The following VOPP1 variants were observed in gnomAD, a reference collection of about 807,000 sequenced individuals.
VOPP1 encodes WW domain binding protein VOPP1.
A neutral mutation model predicts 23.5 loss-of-function variants in VOPP1; 8 were observed. The observed-to-expected ratio is 0.34, with a 90% CI of 0.20 to 0.61. The LOEUF is 0.61. Ranked by LOEUF, VOPP1 falls within the 20% of genes least tolerant of loss-of-function variation. VOPP1 has a pLI of 0.78. For synonymous variants in VOPP1, 83 were observed against 97.3 expected, an observed-to-expected ratio of 0.85 and a Z score of 0.86; for missense variants, 174 against 238.1, an observed-to-expected ratio of 0.73 and a Z score of 1.77.
At chr7:55,533,785 G>A (rs922183136) in intron 1 of VOPP1, among the ~76,000 whole-genome samples, 4 of 152,180 alleles carry the variant, frequency 2.6e-5, no homozygotes, top group Non-Finnish European at 4.4e-5. Context: ...TCAACATAGT[G>A]ATGGGGTGAA....
intron 1 of VOPP1, chr7:55,552,767 A>C (rs1797664339): frequency 9.8e-6 from 15 of 1,529,034 alleles, no homozygotes; most frequent in Non-Finnish European, 1.3e-5. Flanking sequence ...GCAGAGAGGC[A>C]GCAAGTGGAG....
chr7:55,477,604 A>G (rs73135695), intron 4 of VOPP1, among the ~76,000 whole-genome samples: 211 of 152,268 alleles, frequency 1.4e-3, no homozygotes, highest in Middle Eastern at 3.4e-3. Context: ...CAATGTGGCC[A>G]CTCACGCTGC....
At chr7:55,458,903 C>A (rs1228707241) in intron 4 of VOPP1, among the ~76,000 whole-genome samples, 1 of 152,124 alleles carries the variant, frequency 6.6e-6, no homozygotes, top group Non-Finnish European at 1.5e-5. Flanking sequence ...GCTAGAACTT[C>A]TAGTGCTATG....
At chr7:55,537,767 G>A (rs1796887746) in intron 1 of VOPP1, 2 of 1,339,934 alleles carry the variant, frequency 1.5e-6, no homozygotes. Flanking sequence ...CGGCCCCCAG[G>A]CCCAGGCCAC....
chr7:55,521,835 C>T, intron 1 of VOPP1: 2 of 983,926 alleles, frequency 2.0e-6, no homozygotes, highest in Non-Finnish European at 2.4e-6. Context: ...GCAAGTGAGG[C>T]AGGCCAGCAT....
Position 55,515,205 on chromosome 7 carries a change from G to A in VOPP1, c.113+5867C>T, listed in dbSNP as rs144398123. 4.3e-4 allele frequency among the ~76,000 whole-genome samples: 66 copies of A among 152,336 alleles called. No homozygotes were observed. The East Asian group carries it at 0.013, about 29-fold the overall frequency. On this transcript the variant is annotated intron_variant, in intron 2 of 4. Coordinates refer to ENST00000285279, the MANE Select transcript of VOPP1 (RefSeq NM_030796.5). ...TGGGCTGGAAATCTCAATGGAGATG[G>A]TGACATTTCTTATAGTCACTGCTCC...
chr7:55,553,756 TACACACACAC>T (rs59300549), intron 1 of VOPP1: 4,044 of 138,544 alleles, frequency 0.029, 110 homozygotes, highest in African/African-American at 0.049. Flanking sequence ...CCCTGCACTC[TACACACACAC>T]ACACACACAC....
rs918910997 is a variant in VOPP1 at position 55,542,751 on chromosome 7, T to C, written c.55-21621A>G. Among the ~76,000 whole-genome samples, 8 of 151,654 alleles carry C rather than the reference T, an allele frequency of 5.3e-5. No homozygotes were observed. The East Asian group carries it at 7.8e-4, about 15-fold the overall frequency. On this transcript the variant is annotated intron_variant, in intron 1 of 4. Coordinates refer to ENST00000285279, the MANE Select transcript of VOPP1 (RefSeq NM_030796.5). Reference sequence around the variant, plus strand: ...GTTGCAGTGAACCGAGATCGTGCCATTGTACTCCAGCCTGGGAGACAGAGC... The same window carrying C: ...GTTGCAGTGAACCGAGATCGTGCCACTGTACTCCAGCCTGGGAGACAGAGC...
At chr7:55,442,145 T>C (rs1177363600) in intron 4 of VOPP1, among the ~76,000 whole-genome samples, 1 of 152,204 alleles carries the variant, frequency 6.6e-6, no homozygotes, top group Non-Finnish European at 1.5e-5. Context: ...TACATAGGCT[T>C]CTCAGACACA....
intron 1 of VOPP1, among the ~76,000 whole-genome samples, chr7:55,546,711 G>T (rs1224180653): frequency 6.6e-6 from 1 of 152,122 alleles, no homozygotes; most frequent in Non-Finnish European, 1.5e-5. Flanking sequence ...GTGCTCCCCC[G>T]CCAAGAAATA....
At chr7:55,547,849 T>G (rs1413141152) in intron 1 of VOPP1, among the ~76,000 whole-genome samples, 1 of 152,198 alleles carries the variant, frequency 6.6e-6, no homozygotes, top group Admixed American at 6.5e-5. Flanking sequence ...CACTCCCTAG[T>G]AGATGTGGCT....
intron 1 of VOPP1, among the ~76,000 whole-genome samples, chr7:55,542,771 C>T (rs1185702306): frequency 2.0e-5 from 3 of 149,304 alleles, no homozygotes; most frequent in Admixed American, 2.0e-4. Flanking sequence ...GCCTGGGAGA[C>T]AGAGCGAGAC....
chr7:55,439,240 A>G (rs1299560832), intron 4 of VOPP1, among the ~76,000 whole-genome samples: 2 of 152,076 alleles, frequency 1.3e-5, no homozygotes, highest in Non-Finnish European at 2.9e-5. Flanking sequence ...AGCAGCAGAG[A>G]AGAGGAGAAG....
intron 2 of VOPP1, among the ~76,000 whole-genome samples, chr7:55,503,245 G>C (rs1276877716): frequency 1.3e-5 from 2 of 152,226 alleles, no homozygotes; most frequent in African/African-American, 4.8e-5. Context: ...AAAAGGAAAT[G>C]TATGTCTGAG....
At chr7:55,560,647 T>C (rs1278573251) in intron 1 of VOPP1, among the ~76,000 whole-genome samples, 1 of 152,064 alleles carries the variant, frequency 6.6e-6, no homozygotes, top group African/African-American at 2.4e-5. Context: ...AGAGGGAAGA[T>C]AATAAATCTG....
At chr7:55,469,003 T>G (rs1024803947), downstream of VOPP1, among the ~76,000 whole-genome samples, 1 of 152,036 alleles carries the variant, frequency 6.6e-6, no homozygotes. Flanking sequence ...GGTACACTAG[T>G]TTTTTCTTTT....
chr7:55,568,658 C>T (rs1028516374), intron 1 of VOPP1, among the ~76,000 whole-genome samples: 1 of 152,162 alleles, frequency 6.6e-6, no homozygotes, highest in Non-Finnish European at 1.5e-5. Context: ...TGTAACCAAC[C>T]AAACCTCTAG....
chr7:55,475,995 T>TG (rs767498052), intron 4 of VOPP1, among the ~76,000 whole-genome samples: 2 of 152,102 alleles, frequency 1.3e-5, no homozygotes, highest in Non-Finnish European at 2.9e-5. Flanking sequence ...ACTCTCCCTA[T>TG]GATGACAGGC....
chr7:55,569,296 G>A (rs1025584884), intron 1 of VOPP1, among the ~76,000 whole-genome samples: 1 of 152,168 alleles, frequency 6.6e-6, no homozygotes, highest in African/African-American at 2.4e-5. Flanking sequence ...CCACTGTCCA[G>A]GCACAGCTCT....
Sources: allele counts gnomAD v4.1 joint callset (sites outside exome capture counted in the v4.1 genomes callset), GRCh38; gene constraint gnomAD v4.1.1; transcripts MANE v1.5; gene names NCBI Gene and HGNC (gene_info 2026-07-23, HGNC 2026-07-21).